The following DCC variants were observed in gnomAD, a reference collection of about 807,000 sequenced individuals.
DCC encodes the protein netrin receptor DCC.
DCC carries 58 observed loss-of-function variants against 172.5 expected under a neutral mutation model. The ratio of observed to expected loss-of-function variants is 0.34; its 90% CI spans 0.27 to 0.42. The LOEUF (loss-of-function observed/expected upper bound fraction) is 0.42. DCC is among the 10% of genes least tolerant of loss of function. The probability of loss-of-function intolerance (pLI) is 1.00; values close to 1 mark genes in which losing one functional copy is unlikely to be tolerated. For synonymous variants in DCC, 709 were observed against 644.5 expected (o/e 1.10, Z -1.52); for missense variants, 1,740 against 1,791.0 (o/e 0.97, Z 0.51).
intron 27 of DCC, among the ~76,000 whole-genome samples, chr18:53,505,595 G>GAAGTT (rs2046162538): frequency 6.6e-6 from 1 of 152,168 alleles, no homozygotes; most frequent in African/African-American, 2.4e-5. Flanking sequence ...ATATGAAACT[G>GAAGTT]AAGTTAACTA....
At chr18:53,165,381 C>A (rs189621659) in intron 8 of DCC, among the ~76,000 whole-genome samples, 15 of 152,274 alleles carry the variant, frequency 9.9e-5, no homozygotes, top group Admixed American at 9.8e-4. Flanking sequence ...TGGTATATTA[C>A]ATTTTTGATG....
intron 7 of DCC, among the ~76,000 whole-genome samples, chr18:53,085,545 C>T (rs2042865545): frequency 6.6e-6 from 1 of 152,038 alleles, no homozygotes; most frequent in Non-Finnish European, 1.5e-5. Flanking sequence ...CCTTAAAAAT[C>T]CTACAGGGTA....
At chr18:53,318,752 G>GGTTTTTTT (rs1555651814) in intron 13 of DCC, among the ~76,000 whole-genome samples, 2 of 132,160 alleles carry the variant, frequency 1.5e-5, no homozygotes, top group Non-Finnish European at 1.6e-5. Flanking sequence ...TCTTCGTTGG[G>GGTTTTTTT]TTTTTTTTTT....
intron 2 of DCC, among the ~76,000 whole-genome samples, chr18:52,905,337 T>C (rs1785934546): frequency 6.6e-6 from 1 of 152,222 alleles, no homozygotes; most frequent in Non-Finnish European, 1.5e-5. Flanking sequence ...CCCCATTTCA[T>C]GGCCCAAAGA....
At position 53,047,267 on chromosome 18, in the gene DCC, TA is replaced by T. The variant is rs1568267972; in HGVS notation, c.986-16037del. Among the ~76,000 whole-genome samples, 4 of 16,914 alleles carry T rather than the reference TA, an allele frequency of 2.4e-4. No individual in the cohort carries two copies. The African/African-American group carries it at 2.6e-3, about 11-fold the overall frequency. 11.1% of individuals were successfully genotyped at this position (16,914 alleles called of 152,430 possible). A position where few individuals can be genotyped will look rare whatever the true frequency, so the allele number is the denominator to read the frequency against. On this transcript the variant is annotated intron_variant, in intron 5 of 28. Coordinates refer to ENST00000442544, the MANE Select transcript of DCC (RefSeq NM_005215.4). ...ATATATATATATATATATATATATA[TA>T]TATATATATATATATATATAATTTT...
chr18:52,948,909 G>A (rs1416771706), intron 5 of DCC, among the ~76,000 whole-genome samples: 1 of 152,126 alleles, frequency 6.6e-6, no homozygotes, highest in East Asian at 1.9e-4. Context: ...GCTAGGGAAT[G>A]GCCAAATCAA....
At chr18:53,201,493 G>A (rs1488478424) in intron 9 of DCC, among the ~76,000 whole-genome samples, 1 of 152,116 alleles carries the variant, frequency 6.6e-6, no homozygotes, top group African/African-American at 2.4e-5. Context: ...TTCTGTAGAG[G>A]AATAATAGGT....
At chr18:52,521,790 G>A (rs2031827135) in intron 1 of DCC, among the ~76,000 whole-genome samples, 1 of 152,236 alleles carries the variant, frequency 6.6e-6, no homozygotes, top group South Asian at 2.1e-4. Flanking sequence ...TCTCTTCTAT[G>A]TTGACTAAAG....
At chr18:53,338,249 T>C (rs1267427530) in intron 14 of DCC, among the ~76,000 whole-genome samples, 2 of 152,230 alleles carry the variant, frequency 1.3e-5, no homozygotes, top group East Asian at 1.9e-4. Flanking sequence ...TTGTTCTTCC[T>C]GTATCCTGAA....
chr18:52,406,176 T>A (rs28627527), intron 1 of DCC, among the ~76,000 whole-genome samples: 116,278 of 149,168 alleles, frequency 0.78, 45,612 homozygotes, highest in Middle Eastern at 0.82. Flanking sequence ...TCAATTCAAG[T>A]TGGATTGAAG....
intron 6 of DCC, among the ~76,000 whole-genome samples, chr18:53,063,848 T>G (rs1202843932): frequency 1.3e-5 from 2 of 152,190 alleles, no homozygotes; most frequent in Non-Finnish European, 2.9e-5. Context: ...TAATACAGTT[T>G]TATAAGATAT....
In DCC at chr18:53,459,390, A is replaced by G; in HGVS notation, c.3551A>G (p.Gln1184Arg). ...AGGGACTCTCCCATCCAAAGTTGCC[A>G]AGACCTCACACCAGTCAGCCACAGC... ...AGRDSPIQSC[Q>R]DLTPVSHSQS... Residue 1184 changes from glutamine to arginine, a missense_variant, in exon 24 of 29, where the codon CAA becomes CGA. Transcript: ENST00000442544. 4.3e-6 allele frequency: 7 copies of G among 1,614,102 alleles called. No homozygotes were observed. The highest frequency in any genetic ancestry group is 2.2e-5 in the East Asian group (1 of 44,862).
chr18:52,641,327 C>A (rs577965559), intron 1 of DCC, among the ~76,000 whole-genome samples: 2 of 152,198 alleles, frequency 1.3e-5, no homozygotes, highest in East Asian at 1.9e-4. Flanking sequence ...AACCAAGAAC[C>A]CAAAAGCAAT....
intron 1 of DCC, among the ~76,000 whole-genome samples, chr18:52,569,025 C>T (rs2033231497): frequency 6.6e-6 from 1 of 152,112 alleles, no homozygotes; most frequent in Admixed American, 6.6e-5. Context: ...TGTGTAAAGT[C>T]AGCTTTTATA....
At chr18:53,190,444 C>T (rs1182156150) in intron 9 of DCC, among the ~76,000 whole-genome samples, 2 of 147,540 alleles carry the variant, frequency 1.4e-5, no homozygotes, top group African/African-American at 5.1e-5. Flanking sequence ...AATATTCCTA[C>T]TACACTGCTA....
intron 7 of DCC, among the ~76,000 whole-genome samples, chr18:53,155,665 A>G (rs1248560698): frequency 1.3e-5 from 2 of 152,234 alleles, no homozygotes; most frequent in Non-Finnish European, 2.9e-5. Flanking sequence ...GTTAACTTTC[A>G]TCAGCTTTTC....
chr18:53,059,560 T>C (rs1179550134), intron 5 of DCC, among the ~76,000 whole-genome samples: 1 of 152,150 alleles, frequency 6.6e-6, no homozygotes. Flanking sequence ...GTAAGTATTT[T>C]AATTCCTTTT....
chr18:53,206,800 T>C (rs1219049398), intron 10 of DCC, among the ~76,000 whole-genome samples: 3 of 151,470 alleles, frequency 2.0e-5, no homozygotes, highest in African/African-American at 7.3e-5. Flanking sequence ...GGAGTTCTTA[T>C]TATTTGTTGT....
At position 52,992,709 on chromosome 18, in the gene DCC, C is replaced by T. The variant is rs1319563642; in HGVS notation, c.985+67339C>T. ...CCCTGATGACTTAAGACATCTGTGG[C>T]TCATGCCTCTAATCCCAGCACTTAA... On this transcript the variant is annotated intron_variant, in intron 5 of 28. Transcript: ENST00000442544. Among the ~76,000 whole-genome samples the T allele has an allele frequency of 9.9e-5, 15 of 152,256 alleles. No homozygotes were observed. The East Asian group carries it at 2.7e-3, about 27-fold the overall frequency.
Sources: allele counts gnomAD v4.1 joint callset (sites outside exome capture counted in the v4.1 genomes callset), GRCh38; gene constraint gnomAD v4.1.1; transcripts MANE v1.5; gene names NCBI Gene and HGNC (gene_info 2026-07-23, HGNC 2026-07-21).